NOL4: variants seen among roughly 807,000 people sequenced by gnomAD.
The protein encoded by NOL4 is cancer/testis antigen 125.
Under a neutral mutation model 75.9 loss-of-function variants are expected in NOL4, and 17 were observed. The observed-to-expected ratio is 0.22, with a 90% CI of 0.15 to 0.34. NOL4 has a LOEUF of 0.34. NOL4 is among the 10% of genes least tolerant of loss of function. The pLI is 1.00. For synonymous variants in NOL4, 292 were observed against 289.9 expected, an observed-to-expected ratio of 1.01 and a Z score of -0.07; for missense variants, 614 against 793.5, an observed-to-expected ratio of 0.77 and a Z score of 2.72.
chr18:34,160,041 A>T (rs763836376), intron 1 of NOL4, among the ~76,000 whole-genome samples: 1 of 152,146 alleles, frequency 6.6e-6, no homozygotes, highest in Non-Finnish European at 1.5e-5. Flanking sequence ...TCAGAGCCCA[A>T]CTGAATCCTG....
chr18:34,155,790 A>T (rs1273441778), intron 1 of NOL4, among the ~76,000 whole-genome samples: 1 of 152,166 alleles, frequency 6.6e-6, no homozygotes, highest in Non-Finnish European at 1.5e-5. Context: ...AATTAGCAAG[A>T]CATAAAGAAA....
In NOL4 at chr18:34,190,985, T is replaced by C. The variant is rs75251220; in HGVS notation, c.264+32005A>G. On this transcript the variant is annotated intron_variant, in intron 1 of 10. Transcript: ENST00000261592. ...CAGGCAAAGAATTATAAGTATCCCA[T>C]GTTACTTAAAAATATAAAGATATTG... Among the ~76,000 whole-genome samples the C allele has an allele frequency of 6.6e-3, 999 of 152,178 alleles. 17 individuals carry two copies. The highest frequency in any genetic ancestry group is 0.023 in the African/African-American group (953 of 41,556).
intron 5 of NOL4, among the ~76,000 whole-genome samples, chr18:34,066,769 G>A (rs2077295499): frequency 6.7e-6 from 1 of 150,342 alleles, no homozygotes; most frequent in South Asian, 2.1e-4. Context: ...AGAAAATTGT[G>A]TTGGCTTTTT....
At chr18:33,907,215 CA>C (rs2066105277) in intron 9 of NOL4, among the ~76,000 whole-genome samples, 2 of 149,916 alleles carry the variant, frequency 1.3e-5, no homozygotes, top group South Asian at 4.2e-4. Flanking sequence ...CCCAGCTGCT[CA>C]GGAGGGTGAG....
At chr18:33,867,446 C>A (rs771692371) in intron 10 of NOL4, among the ~76,000 whole-genome samples, 5 of 152,074 alleles carry the variant, frequency 3.3e-5, no homozygotes, top group Non-Finnish European at 5.9e-5. Flanking sequence ...ATAAATTTTA[C>A]AACTGACAGT....
At chr18:34,174,702 G>A (rs376226973) in intron 1 of NOL4, among the ~76,000 whole-genome samples, 19 of 151,848 alleles carry the variant, frequency 1.3e-4, no homozygotes, top group African/African-American at 2.4e-4. Flanking sequence ...GACAGGCCCC[G>A]GTGTGTGATG....
intron 8 of NOL4, among the ~76,000 whole-genome samples, chr18:33,955,490 C>A (rs1408977592): frequency 6.6e-6 from 1 of 151,858 alleles, no homozygotes; most frequent in Non-Finnish European, 1.5e-5. Flanking sequence ...AAATTTATAT[C>A]TCCTCTTTTC....
intron 5 of NOL4, among the ~76,000 whole-genome samples, chr18:34,028,489 T>C (rs761907045): frequency 5.3e-5 from 8 of 152,322 alleles, no homozygotes; most frequent in South Asian, 2.1e-4. Context: ...ACTGCATTGA[T>C]AGCCACACAA....
intron 1 of NOL4, among the ~76,000 whole-genome samples, chr18:34,219,900 A>G (rs1242853066): frequency 5.3e-5 from 8 of 152,230 alleles, no homozygotes; most frequent in Non-Finnish European, 1.2e-4. Flanking sequence ...ACCAAACAGT[A>G]TCTACTCCAT....
intron 5 of NOL4, among the ~76,000 whole-genome samples, chr18:34,029,029 GA>G (rs2075496715): frequency 6.6e-6 from 1 of 151,726 alleles, no homozygotes; most frequent in African/African-American, 2.4e-5. Context: ...AGAATCTCTT[GA>G]GCCAAATTCA....
chr18:33,901,268 G>A (rs576994718), intron 9 of NOL4, among the ~76,000 whole-genome samples: 5 of 152,126 alleles, frequency 3.3e-5, no homozygotes, highest in South Asian at 4.1e-4. Context: ...ATACAAGATC[G>A]TTTGTTCAAT....
intron 5 of NOL4, among the ~76,000 whole-genome samples, chr18:34,034,765 T>G (rs1310075020): frequency 9.8e-6 from 1 of 102,512 alleles, no homozygotes; most frequent in Admixed American, 1.1e-4. Context: ...AAAGCAACAA[T>G]AAACAATCCC....
chr18:33,904,596 G>T (rs1035712225), intron 9 of NOL4, among the ~76,000 whole-genome samples: 1 of 152,100 alleles, frequency 6.6e-6, no homozygotes, highest in Non-Finnish European at 1.5e-5. Flanking sequence ...GCCATGACAG[G>T]CAAGTGTTAA....
At chr18:34,163,575 T>C (rs1445479134) in intron 1 of NOL4, among the ~76,000 whole-genome samples, 2 of 152,184 alleles carry the variant, frequency 1.3e-5, no homozygotes, top group Non-Finnish European at 2.9e-5. Context: ...AAACCACTGC[T>C]CAGTGAAATA....
At chr18:34,140,816 A>G (rs1327124394) in intron 1 of NOL4, among the ~76,000 whole-genome samples, 1 of 152,072 alleles carries the variant, frequency 6.6e-6, no homozygotes, top group Non-Finnish European at 1.5e-5. Context: ...AGTGGCTGAT[A>G]CTGGTTGTTC....
intron 10 of NOL4, among the ~76,000 whole-genome samples, chr18:33,855,876 GT>G (rs201967793): frequency 0.032 from 3,300 of 103,418 alleles, 129 homozygotes; most frequent in African/African-American, 0.1. Context: ...TACTTCTCCC[GT>G]TTATGGTGCA....
intron 1 of NOL4, among the ~76,000 whole-genome samples, chr18:34,220,289 T>C (rs2037208516): frequency 6.6e-6 from 1 of 152,166 alleles, no homozygotes; most frequent in Non-Finnish European, 1.5e-5. Context: ...CCTTTTCTCT[T>C]TCCCTTTTCG....
At chr18:34,137,486 C>T (rs1000559230) in intron 1 of NOL4, among the ~76,000 whole-genome samples, 1 of 152,038 alleles carries the variant, frequency 6.6e-6, no homozygotes. Context: ...TTTGAACAGA[C>T]ATTTCTCCAA....
chr18:34,043,025 A>G (rs182733643), intron 5 of NOL4, among the ~76,000 whole-genome samples: 4 of 152,082 alleles, frequency 2.6e-5, no homozygotes, highest in Admixed American at 2.6e-4. Context: ...TAGGATTTAC[A>G]TTACAGTACA....
Sources: gnomAD v4.1 joint callset for allele counts (sites outside exome capture counted in the v4.1 genomes callset) on GRCh38, gnomAD v4.1.1 for gene constraint, MANE v1.5 for transcripts, NCBI Gene and HGNC (gene_info 2026-07-23, HGNC 2026-07-21) for gene names.